The following MLIP variants were observed in gnomAD, a reference collection of about 807,000 sequenced individuals.
MLIP encodes the protein muscular LMNA interacting protein, also known as muscular LMNA-interacting protein.
Under a neutral mutation model 84.8 loss-of-function variants are expected in MLIP, and 79 were observed. The ratio of observed to expected loss-of-function variants is 0.93; its 90% CI spans 0.78 to 1.12. MLIP has a LOEUF of 1.12. Ranked by LOEUF, MLIP falls within the 50% of genes most tolerant of loss-of-function variation. The pLI is 0.00. For synonymous variants in MLIP, 504 were observed against 463.0 expected (o/e 1.09, Z -1.14); for missense variants, 1,257 against 1,160.6 (o/e 1.08, Z -1.21).
chr6:54,036,353 CAAAT>C (rs1416729188), intron 1 of MLIP, among the ~76,000 whole-genome samples: 1 of 150,704 alleles, frequency 6.6e-6, no homozygotes, highest in Non-Finnish European at 1.5e-5. Flanking sequence ...CAATAACAGA[CAAAT>C]AGAGAGCCAA....
At chr6:54,242,341 C>G (rs188850712) in intron 12 of MLIP, among the ~76,000 whole-genome samples, 75 of 152,154 alleles carry the variant, frequency 4.9e-4, no homozygotes, top group Admixed American at 1.4e-3. Context: ...AAATTTAGTA[C>G]GTGTGTAACG....
chr6:54,061,823 C>T (rs376570627), intron 1 of MLIP, among the ~76,000 whole-genome samples: 68 of 152,252 alleles, frequency 4.5e-4, no homozygotes, highest in African/African-American at 1.5e-3. Context: ...TTAGGAAAAT[C>T]TCAGCATGGG....
At chr6:54,265,118 A>T (rs1258606849) in intron 13 of MLIP, among the ~76,000 whole-genome samples, 3 of 151,994 alleles carry the variant, frequency 2.0e-5, no homozygotes, top group Non-Finnish European at 4.4e-5. Flanking sequence ...GAAGGTTCCC[A>T]TGTTAGTCAT....
chr6:54,061,033 A>C (rs998132171), intron 1 of MLIP, among the ~76,000 whole-genome samples: 1 of 150,572 alleles, frequency 6.6e-6, no homozygotes, highest in African/African-American at 2.4e-5. Flanking sequence ...TGTGTTTCAC[A>C]TATCTAGTCA....
chr6:54,136,599 G>T (rs775236400), intron 3 of MLIP, 116 bp from the exon 4 acceptor site: 2 of 1,027,644 alleles, frequency 1.9e-6, no homozygotes, highest in Non-Finnish European at 2.7e-6. Context: ...TTTTGTGGAG[G>T]TTTAAGATGC....
At chr6:54,107,103 C>T (rs1769072307), upstream of MLIP, among the ~76,000 whole-genome samples, 1 of 152,194 alleles carries the variant, frequency 6.6e-6, no homozygotes, top group Admixed American at 6.5e-5. Flanking sequence ...CTCTGTGCCT[C>T]TTTCAAATTC....
At chr6:54,150,069 G>A (rs1773280792) in intron 5 of MLIP, among the ~76,000 whole-genome samples, 1 of 152,094 alleles carries the variant, frequency 6.6e-6, no homozygotes, top group South Asian at 2.1e-4. Flanking sequence ...GTGGTATTAT[G>A]ATCACTGGTT....
chr6:54,040,435 A>C (rs1434900410), intron 1 of MLIP, among the ~76,000 whole-genome samples: 5 of 152,094 alleles, frequency 3.3e-5, no homozygotes, highest in Admixed American at 3.3e-4. Flanking sequence ...GCAAGGCTAC[A>C]GAAAAAAGGG....
intron 12 of MLIP, among the ~76,000 whole-genome samples, chr6:54,239,864 AC>A (rs1448572369): frequency 6.6e-6 from 1 of 152,060 alleles, no homozygotes; most frequent in African/African-American, 2.4e-5. Context: ...ACTATAATAA[AC>A]CCTTCCAGTC....
intron 3 of MLIP, among the ~76,000 whole-genome samples, chr6:54,135,166 C>CA (rs1458463275): frequency 6.6e-6 from 1 of 152,088 alleles, no homozygotes; most frequent in Non-Finnish European, 1.5e-5. Flanking sequence ...TAACCAAATG[C>CA]ATCAGTTACA....
At chr6:54,039,856 T>C (rs1472005840) in intron 1 of MLIP, among the ~76,000 whole-genome samples, 1 of 151,922 alleles carries the variant, frequency 6.6e-6, no homozygotes, top group African/African-American at 2.4e-5. Flanking sequence ...ATGTTAAACA[T>C]TTTAGATCAA....
At chr6:54,206,364 A>G (rs1174939875) in intron 11 of MLIP, among the ~76,000 whole-genome samples, 2 of 152,120 alleles carry the variant, frequency 1.3e-5, no homozygotes, top group African/African-American at 2.4e-5. Context: ...AAGGTTTTGG[A>G]TAGAATTAAA....
At chr6:54,197,870 C>T (rs1778407224) in intron 10 of MLIP, among the ~76,000 whole-genome samples, 1 of 152,070 alleles carries the variant, frequency 6.6e-6, no homozygotes, top group Non-Finnish European at 1.5e-5. Context: ...TTTGTTTGGA[C>T]ACAGATGTAA....
chr6:54,095,117 G>C lies in MLIP; in HGVS notation c.64-26330G>C, dbSNP rs531080942. Among the ~76,000 whole-genome samples, 3 of 152,312 alleles carry C rather than the reference G, an allele frequency of 2.0e-5. No homozygotes were observed. In the East Asian group the frequency reaches 5.8e-4, roughly 29 times the overall value. On this transcript the variant is annotated intron_variant, in intron 1 of 12. Coordinates refer to the MLIP transcript ENST00000274897. ...GTAGCTATCGTCATAGCAGAGAACA[G>C]ATGGGAGTGATTCTTAAAGGGGCTA... is the stretch of plus-strand genomic sequence containing the variant.
chr6:54,185,822 C>G (rs1247590290), intron 9 of MLIP, among the ~76,000 whole-genome samples: 1 of 152,036 alleles, frequency 6.6e-6, no homozygotes, highest in Non-Finnish European at 1.5e-5. Context: ...TAGAAGAAAT[C>G]ATTATTATTA....
intron 4 of MLIP, among the ~76,000 whole-genome samples, chr6:54,147,261 A>G (rs1772948799): frequency 6.6e-6 from 1 of 152,162 alleles, no homozygotes; most frequent in Non-Finnish European, 1.5e-5. Flanking sequence ...GTGGTCTTGG[A>G]CAAGTCATTT....
At chr6:54,252,434 T>C (rs1782691624) in intron 12 of MLIP, among the ~76,000 whole-genome samples, 1 of 131,142 alleles carries the variant, frequency 7.6e-6, no homozygotes, top group Non-Finnish European at 1.5e-5. Context: ...ACATATAATA[T>C]ATAATATAAC....
rs1193747505 is a variant in MLIP at position 54,160,804 on chromosome 6, GTATGTATTTAATATAATT to G, written c.2499+10_2499+27del. 1 of 1,602,926 alleles carries G rather than the reference GTATGTATTTAATATAATT, an allele frequency of 6.2e-7. No individual in the cohort carries two copies. Among genetic ancestry groups the G allele is most frequent in the East Asian group, 2.2e-5 (1 of 44,646 alleles). ...TTGGGTTCTGACACAGTCAAAGTATGTATGTATTTAATATAATTTATGGAACCATAAGATTTATTAGAT... is the reference window on the plus strand; with the variant it reads ...TTGGGTTCTGACACAGTCAAAGTATGTATGGAACCATAAGATTTATTAGAT... On this transcript the variant is annotated splice_donor_region_variant and intron_variant, in intron 8 of 13. Coordinates refer to ENST00000502396, the MANE Select transcript of MLIP (RefSeq NM_001281747.2).
intron 4 of MLIP, among the ~76,000 whole-genome samples, chr6:54,144,559 G>T (rs949803524): frequency 1.3e-5 from 2 of 152,182 alleles, no homozygotes; most frequent in Admixed American, 1.3e-4. Context: ...TCCTTTGCCT[G>T]TGCAGTCACA....
Sources: gnomAD v4.1 joint callset for allele counts (sites outside exome capture counted in the v4.1 genomes callset) on GRCh38, gnomAD v4.1.1 for gene constraint, MANE v1.5 for transcripts, NCBI Gene and HGNC (gene_info 2026-07-23, HGNC 2026-07-21) for gene names.